The following AK5 variants were observed in gnomAD, a reference collection of about 807,000 sequenced individuals.
AK5 encodes the protein adenylate kinase 5, also known as adenylate kinase isoenzyme 5.
A neutral mutation model predicts 69.5 loss-of-function variants in AK5; 27 were observed. The observed-to-expected ratio is 0.39, with a 90% CI of 0.29 to 0.54. AK5 has a LOEUF of 0.54. Ranked by LOEUF, AK5 falls within the 20% of genes least tolerant of loss-of-function variation. The pLI, the probability that AK5 is intolerant of heterozygous loss-of-function variation, is 0.71. For missense variants in AK5, 531 were observed against 700.4 expected, an observed-to-expected ratio of 0.76 and a Z score of 2.73; for synonymous variants, 260 against 244.4, an observed-to-expected ratio of 1.06 and a Z score of -0.60.
chr1:77,470,929 G>A (rs1170719375), intron 8 of AK5, among the ~76,000 whole-genome samples: 9 of 129,820 alleles, frequency 6.9e-5, no homozygotes, highest in South Asian at 2.7e-4. Context: ...GGCCCAGGCT[G>A]GAGTGCAGTG....
chr1:77,505,263 A>C (rs1329313313), intron 10 of AK5, among the ~76,000 whole-genome samples: 1 of 152,218 alleles, frequency 6.6e-6, no homozygotes, highest in Non-Finnish European at 1.5e-5. Flanking sequence ...ACAAAGACAA[A>C]AGTTAGGGTG....
chr1:77,497,741 C>A (rs1656433582), intron 10 of AK5, among the ~76,000 whole-genome samples: 3 of 152,122 alleles, frequency 2.0e-5, no homozygotes, highest in Admixed American at 2.0e-4. Flanking sequence ...GCACGCACCA[C>A]CACGCCCGGC....
intron 8 of AK5, among the ~76,000 whole-genome samples, chr1:77,426,265 A>G (rs1651200525): frequency 6.6e-6 from 1 of 152,204 alleles, no homozygotes; most frequent in Non-Finnish European, 1.5e-5. Flanking sequence ...AGACACATAT[A>G]GATTAAAAGT....
chr1:77,434,581 T>C (rs72681642), intron 8 of AK5, among the ~76,000 whole-genome samples: 7,213 of 152,250 alleles, frequency 0.047, 262 homozygotes, highest in East Asian at 0.15. Flanking sequence ...GAAAGTTCCA[T>C]GGATATAAAA....
intron 6 of AK5, among the ~76,000 whole-genome samples, chr1:77,369,014 A>G (rs1246373691): frequency 1.3e-5 from 2 of 152,188 alleles, no homozygotes; most frequent in Non-Finnish European, 2.9e-5. Flanking sequence ...GATGATGGAT[A>G]TACTGATTAC....
At chr1:77,521,528 C>T (rs990854888) in intron 11 of AK5, among the ~76,000 whole-genome samples, 3 of 152,270 alleles carry the variant, frequency 2.0e-5, no homozygotes, top group African/African-American at 7.2e-5. Flanking sequence ...GCTACCTTAC[C>T]TCATCTAATC....
At chr1:77,424,058 G>A (rs1046152779) in intron 8 of AK5, among the ~76,000 whole-genome samples, 1 of 152,130 alleles carries the variant, frequency 6.6e-6, no homozygotes, top group Non-Finnish European at 1.5e-5. Context: ...CTAATTATAG[G>A]ACTGTAGAAC....
At chr1:77,534,489 A>T (rs1324069173) in intron 12 of AK5, among the ~76,000 whole-genome samples, 2 of 152,208 alleles carry the variant, frequency 1.3e-5, no homozygotes, top group African/African-American at 4.8e-5. Context: ...AATAAGCGTA[A>T]CAGTGAATCG....
At chr1:77,448,486 A>T (rs1652895658) in intron 8 of AK5, among the ~76,000 whole-genome samples, 1 of 152,066 alleles carries the variant, frequency 6.6e-6, no homozygotes, top group African/African-American at 2.4e-5. Flanking sequence ...CCACTGAGGG[A>T]TACAGAAACA....
intron 12 of AK5, among the ~76,000 whole-genome samples, chr1:77,526,463 G>GTGTTTTTTTTTTTTTT (rs1658290717): frequency 7.8e-6 from 1 of 128,906 alleles, no homozygotes; most frequent in African/African-American, 2.9e-5. Context: ...GGGAATAAAA[G>GTGTTTTTTTTTTTTTT]TCTTTTTTTT....
At chr1:77,510,036 C>A (rs1273081864) in intron 10 of AK5, among the ~76,000 whole-genome samples, 1 of 152,194 alleles carries the variant, frequency 6.6e-6, no homozygotes, top group Non-Finnish European at 1.5e-5. Context: ...TGATCAAAGT[C>A]ATCTAACCAG....
chr1:77,510,526 AAAAG>A (rs1238584177), intron 10 of AK5, among the ~76,000 whole-genome samples: 1 of 152,198 alleles, frequency 6.6e-6, no homozygotes, highest in Non-Finnish European at 1.5e-5. Flanking sequence ...AAAAAAAAGA[AAAAG>A]AAAGAAAGAA....
At chr1:77,299,841 G>T (rs1659233835) in intron 5 of AK5, among the ~76,000 whole-genome samples, 1 of 146,186 alleles carries the variant, frequency 6.8e-6, no homozygotes, top group African/African-American at 2.4e-5. Context: ...GAAGCTACTT[G>T]ATTTTTTTTT....
intron 8 of AK5, among the ~76,000 whole-genome samples, chr1:77,440,687 C>G (rs897689454): frequency 1.3e-5 from 2 of 151,192 alleles, no homozygotes; most frequent in Non-Finnish European, 3.0e-5. Context: ...CTTTTTCATT[C>G]TTTTTTTTTC....
chr1:77,295,123 A>G lies in AK5; in HGVS notation c.415+1163A>G, dbSNP rs571376091. Among the ~76,000 whole-genome samples, 19 of 152,376 alleles carry G rather than the reference A, an allele frequency of 1.2e-4. No homozygotes were observed. The South Asian group carries it at 3.7e-3, about 30-fold the overall frequency. On this transcript the variant is annotated intron_variant, in intron 3 of 13. Coordinates refer to ENST00000354567, the MANE Select transcript of AK5 (RefSeq NM_174858.3). ...TGCAACATGTAGTCATTGTTTTCAC[A>G]TTCCAGTTAGAATCACCTTTCACAG...
intron 10 of AK5, among the ~76,000 whole-genome samples, chr1:77,513,072 G>C (rs551449720): frequency 6.6e-6 from 1 of 152,204 alleles, no homozygotes. Flanking sequence ...GGTGGAACCA[G>C]TGTTGATTGT....
intron 2 of AK5, among the ~76,000 whole-genome samples, chr1:77,292,129 G>C (rs1658720897): frequency 6.6e-6 from 1 of 152,166 alleles, no homozygotes; most frequent in African/African-American, 2.4e-5. Flanking sequence ...TATGCATTTG[G>C]TATATGTTTT....
chr1:77,342,401 T>G (rs1661701559), intron 6 of AK5, among the ~76,000 whole-genome samples: 1 of 152,188 alleles, frequency 6.6e-6, no homozygotes, highest in East Asian at 1.9e-4. Flanking sequence ...GGAGTGGATA[T>G]TATTAATTTA....
At chr1:77,368,251 A>ATG (rs1201080538) in intron 6 of AK5, among the ~76,000 whole-genome samples, 2 of 70,590 alleles carry the variant, frequency 2.8e-5, no homozygotes, top group African/African-American at 3.9e-5. Context: ...ATATATATAT[A>ATG]TAATATATAT....
Sources: gnomAD v4.1 joint callset for allele counts (sites outside exome capture counted in the v4.1 genomes callset) on GRCh38, gnomAD v4.1.1 for gene constraint, MANE v1.5 for transcripts, NCBI Gene and HGNC (gene_info 2026-07-23, HGNC 2026-07-21) for gene names.